MMP12: variants seen among roughly 807,000 people sequenced by gnomAD.
MMP12 encodes the protein macrophage metalloelastase.
Under a neutral mutation model 45.2 loss-of-function variants are expected in MMP12, and 51 were observed. The observed-to-expected ratio is 1.13, with a 90% confidence interval of 0.90 to 1.42. MMP12 has a LOEUF of 1.42. Ranked by LOEUF, MMP12 falls within the 40% of genes most tolerant of loss-of-function variation. The probability of loss-of-function intolerance (pLI) is 0.00; values close to 1 mark genes in which losing one functional copy is unlikely to be tolerated. For synonymous variants in MMP12, 210 were observed against 193.3 expected (o/e 1.09, Z -0.72); for missense variants, 530 against 570.8 (o/e 0.93, Z 0.73).
In MMP12 at chr11:102,871,590, C is replaced by T. The variant is rs200036076; in HGVS notation, c.625+4G>A. 5 of 1,551,454 alleles carry T rather than the reference C, an allele frequency of 3.2e-6. No homozygotes were observed. The African/African-American group carries it at 5.5e-5, about 17-fold the overall frequency. Reference sequence around the variant, plus strand: ...TTGTTTGTTTGTTTGTTTGTTTTGCCCACCTCCTGAATGTGTAGTCCAGAA... The same window carrying T: ...TTGTTTGTTTGTTTGTTTGTTTTGCTCACCTCCTGAATGTGTAGTCCAGAA... On this transcript the variant is annotated splice_donor_region_variant and intron_variant, in intron 4 of 9. Transcript: ENST00000571244.
chr11:102,872,543 A>G (rs1303115845), intron 2 of MMP12, among the ~76,000 whole-genome samples: 1 of 152,124 alleles, frequency 6.6e-6, no homozygotes, highest in African/African-American at 2.4e-5. Flanking sequence ...AGGTTTCACC[A>G]TGTTGGCCAG....
At chr11:102,866,061 A>C (rs1859381069) in intron 7 of MMP12, 126 bp from the exon 8 acceptor site, 1 of 888,568 alleles carries the variant, frequency 1.1e-6, no homozygotes, top group Non-Finnish European at 1.6e-6. Context: ...TTGATCTTAA[A>C]CATAGTCTCT....
At chr11:102,871,998 A>AT (rs782619887) in intron 2 of MMP12, 46 bp from the exon 3 acceptor site, 31 of 1,548,702 alleles carry the variant, frequency 2.0e-5, no homozygotes, top group South Asian at 1.0e-4. Flanking sequence ...AGGCAGTGTT[A>AT]TTTTGTCTTA....
intron 2 of MMP12, 126 bp downstream of exon 2, chr11:102,872,739 A>G: frequency 1.0e-6 from 1 of 1,003,830 alleles, no homozygotes. Flanking sequence ...TTTAGCAGAG[A>G]TAGCATTAAC....
intron 4 of MMP12, among the ~76,000 whole-genome samples, chr11:102,869,375 A>C (rs1859451575): frequency 6.6e-6 from 1 of 152,132 alleles, no homozygotes; most frequent in Non-Finnish European, 1.5e-5. Context: ...CAAAGTTTTT[A>C]CAATTTATCC....
At chr11:102,864,923 A>T (rs1318559246) in intron 8 of MMP12, among the ~76,000 whole-genome samples, 1 of 152,176 alleles carries the variant, frequency 6.6e-6, no homozygotes, top group African/African-American at 2.4e-5. Flanking sequence ...GCCAAGTAGG[A>T]GTGGAAAACT....
chr11:102,867,742 T>C (rs1334181362), intron 5 of MMP12, among the ~76,000 whole-genome samples, 166 bp downstream of exon 5: 1 of 152,172 alleles, frequency 6.6e-6, no homozygotes, highest in African/African-American at 2.4e-5. Context: ...AGGTCTCTTG[T>C]CCTCATCTGT....
Position 102,863,060 on chromosome 11 carries a change from A to G in MMP12, c.*40T>C, listed in dbSNP as rs1399372563. 1 of 1,304,854 alleles carries G rather than the reference A, an allele frequency of 7.7e-7. No individual in the cohort carries two copies. Among genetic ancestry groups the G allele is most frequent in the Admixed American group, 1.8e-5 (1 of 54,620 alleles). 80.8% of individuals were successfully genotyped at this position (1,304,854 alleles called of 1,614,324 possible). A position where few individuals can be genotyped will look rare whatever the true frequency, so the allele number is the denominator to read the frequency against. ...GCAAATATGCAATAAATACTTATTA[A>G]GCTGAAGTGAACTAACAAAAACCAT... On this transcript the variant is annotated 3_prime_UTR_variant, in exon 10 of 10. Transcript: ENST00000571244.
At chr11:102,866,031 G>T in intron 7 of MMP12, 96 bp from the exon 8 acceptor site, 2 of 1,017,390 alleles carry the variant, frequency 2.0e-6, no homozygotes, top group Admixed American at 2.8e-5. Flanking sequence ...CTTTCCAACA[G>T]TTATAATATT....
intron 4 of MMP12, among the ~76,000 whole-genome samples, chr11:102,870,955 C>A (rs1555009245): frequency 1.3e-5 from 2 of 152,132 alleles, no homozygotes; most frequent in South Asian, 2.1e-4. Flanking sequence ...TGCTTTTGAG[C>A]TTATGGATTT....
chr11:102,873,140 T>G, intron 1 of MMP12, 28 bp from the exon 2 acceptor site: 4 of 1,598,074 alleles, frequency 2.5e-6, no homozygotes, highest in Non-Finnish European at 3.4e-6. Context: ...TTCAGCAATG[T>G]GTAAGTACAC....
At position 102,863,133 on chromosome 11, in the gene MMP12, T is replaced by C; in HGVS notation, c.1380A>G (p.Lys460=). 6.2e-7 allele frequency: 1 copy of C among 1,611,848 alleles called. No homozygotes were observed. The highest frequency in any genetic ancestry group is 8.5e-7 in the Non-Finnish European group (1 of 1,178,886). Residue 460 remains lysine (K), a synonymous_variant, in exon 10 of 10, where the codon AAA becomes AAG. Transcript: ENST00000571244. ...EYDFLLQRIT[K]TLKSNSWFGC ...CAAACCAGCTATTGCTTTTCAGTGT[T>C]TTGGTGATACGTTGGAGTAGGAAGT... is the stretch of plus-strand genomic sequence containing the variant.
At chr11:102,867,437 T>A in intron 5 of MMP12, 44 bp from the exon 6 acceptor site, 2 of 1,567,906 alleles carry the variant, frequency 1.3e-6, no homozygotes, top group Non-Finnish European at 1.7e-6. Flanking sequence ...AAATCTGCAT[T>A]GTAGTTCAGA....
intron 5 of MMP12, 137 bp from the exon 6 acceptor site, chr11:102,867,530 A>G (rs1859414642): frequency 1.1e-6 from 1 of 930,080 alleles, no homozygotes; most frequent in Non-Finnish European, 1.5e-6. Flanking sequence ...TAACATTCAC[A>G]GGAAGTATAA....
At chr11:102,870,997 C>G (rs1364260199) in intron 4 of MMP12, among the ~76,000 whole-genome samples, 1 of 152,132 alleles carries the variant, frequency 6.6e-6, no homozygotes, top group Non-Finnish European at 1.5e-5. Context: ...CCTAGGCTGC[C>G]TGCAATCTTA....
rs1859406157 is a variant in MMP12, at chr11:102,867,250, A to C, written c.911+20T>G. 6.4e-7 allele frequency: 1 copy of C among 1,556,710 alleles called. No individual in the cohort carries two copies. Among genetic ancestry groups the C allele is most frequent in the East Asian group, 2.3e-5 (1 of 43,952 alleles). The stretch of plus-strand genomic sequence containing the variant: ...AAAGGCAGAAACTTTAATATTGGTT[A>C]GATATGAAAATGATCCTACCTGTCT... On this transcript the variant is annotated intron_variant, in intron 6 of 9. Coordinates refer to ENST00000571244, the MANE Select transcript of MMP12 (RefSeq NM_002426.6).
intron 7 of MMP12, 87 bp downstream of exon 7, chr11:102,866,228 C>A: frequency 1.5e-6 from 2 of 1,311,480 alleles, no homozygotes; most frequent in South Asian, 1.5e-5. Context: ...CTTTCTTGGT[C>A]TATATCTATT....
chr11:102,865,001 A>G lies in MMP12; in HGVS notation c.1206-749T>C, dbSNP rs1222291554. On this transcript the variant is annotated intron_variant, in intron 8 of 9. Coordinates refer to ENST00000571244, the MANE Select transcript of MMP12 (RefSeq NM_002426.6). This position sits in a 1 kb window ranked among gnomAD's most constrained non-coding sequence, Gnocchi z 4.1. ...TAACAGGCTACAGCAAACTACACCC[A>G]TTTGTGAGCTCTTTGGAAAGTGTTA... 6.6e-6 allele frequency among the ~76,000 whole-genome samples: 1 copy of G among 152,194 alleles called. No homozygotes were observed. The highest frequency in any genetic ancestry group is 1.5e-5 in the Non-Finnish European group (1 of 68,026).
At chr11:102,866,727 C>T (rs1859395170) in intron 6 of MMP12, among the ~76,000 whole-genome samples, 1 of 152,116 alleles carries the variant, frequency 6.6e-6, no homozygotes, top group African/African-American at 2.4e-5. Context: ...ATTCACTCAC[C>T]AGTTTTGTAA....
Sources: allele counts gnomAD v4.1 joint callset (sites outside exome capture counted in the v4.1 genomes callset), GRCh38; gene constraint gnomAD v4.1.1; non-coding constraint Gnocchi (gnomAD v3.1); transcripts MANE v1.5; gene names NCBI Gene and HGNC (gene_info 2026-07-23, HGNC 2026-07-21).